ATP10B: variants seen among roughly 807,000 people sequenced by gnomAD.
ATP10B encodes the protein ATPase phospholipid transporting 10B (putative).
A neutral mutation model predicts 141.2 loss-of-function variants in ATP10B; 122 were observed. That is an observed-to-expected ratio of 0.86 (90% CI 0.75 to 1.00). ATP10B has a LOEUF of 1.00. Among genes scored for constraint, ATP10B ranks in the 50% least tolerant of loss-of-function variants. ATP10B has a pLI of 0.00. For synonymous variants in ATP10B, 685 were observed against 692.0 expected (o/e 0.99, Z 0.16); for missense variants, 1,876 against 1,825.3 (o/e 1.03, Z -0.51).
At chr5:160,736,257 A>C (rs1180804068) in intron 2 of ATP10B, among the ~76,000 whole-genome samples, 4 of 152,218 alleles carry the variant, frequency 2.6e-5, no homozygotes, top group Non-Finnish European at 4.4e-5. Context: ...AGATCCAAAT[A>C]AAATAATAAA....
Position 160,617,946 on chromosome 5 carries a change from A to G in ATP10B, c.2444T>C (p.Leu815Pro). 6.2e-7 allele frequency: 1 copy of G among 1,614,166 alleles called. No individual in the cohort carries two copies. Among genetic ancestry groups the G allele is most frequent in the Non-Finnish European group, 8.5e-7 (1 of 1,179,996 alleles). The change falls in exon 16 of 26, where the codon CTG becomes CCG. Residue 815 changes from leucine (L) to proline (P), a missense_variant. Transcript: ENST00000327245. ...TTGGGTCCGGGCTCGGATTTTTCTC[A>G]GCTTCTTTTCCATATTAATGTCAGG... ...CVPDINMEKK[L>P]RKIRARTQKH... is the part of the protein sequence containing the mutation.
At chr5:160,598,667 C>A in intron 22 of ATP10B, 103 bp downstream of exon 22, 1 of 1,022,134 alleles carries the variant, frequency 9.8e-7, no homozygotes, top group South Asian at 1.5e-5. Context: ...AGAATGCAGG[C>A]TTCTGACCCC....
At chr5:160,825,363 A>G (rs1195301082) in intron 1 of ATP10B, among the ~76,000 whole-genome samples, 2 of 152,160 alleles carry the variant, frequency 1.3e-5, no homozygotes, top group African/African-American at 4.8e-5. Context: ...TACTGTTCTC[A>G]TGGTAATGAG....
intron 24 of ATP10B, among the ~76,000 whole-genome samples, chr5:160,584,056 T>G (rs1755723658): frequency 6.6e-6 from 1 of 152,056 alleles, no homozygotes; most frequent in Non-Finnish European, 1.5e-5. Flanking sequence ...CTCTTTGGCA[T>G]TCCAGGCACC....
At chr5:160,826,105 A>G (rs994019303) in intron 1 of ATP10B, among the ~76,000 whole-genome samples, 9 of 152,264 alleles carry the variant, frequency 5.9e-5, no homozygotes, top group African/African-American at 1.7e-4. Context: ...TGTGAGTAGC[A>G]TGGCAATGAA....
the ATP10B span, among the ~76,000 whole-genome samples, chr5:160,929,075 T>A: frequency 6.6e-6 from 1 of 152,140 alleles, no homozygotes; most frequent in Non-Finnish European, 1.5e-5. Context: ...TGAAAACAGC[T>A]TGTAGCCCCA....
At chr5:160,874,739 A>T in the ATP10B span, among the ~76,000 whole-genome samples, 1 of 152,120 alleles carries the variant, frequency 6.6e-6, no homozygotes, top group African/African-American at 2.4e-5. Context: ...TGAAGAATGC[A>T]GAAGCCTCAG....
At chr5:160,726,659 G>C (rs73314459) in intron 2 of ATP10B, among the ~76,000 whole-genome samples, 2,139 of 145,936 alleles carry the variant, frequency 0.015, 62 homozygotes, top group African/African-American at 0.054. Context: ...GGGGAAGAAG[G>C]GGAGGAGGAA....
intron 5 of ATP10B, chr5:160,687,027 AG>A: frequency 4.4e-6 from 4 of 902,580 alleles, no homozygotes; most frequent in South Asian, 5.1e-5. Context: ...GTCTGTCTGC[AG>A]GAACATTCTG....
chr5:160,698,474 G>A (rs1043633566), intron 3 of ATP10B, among the ~76,000 whole-genome samples: 4 of 151,970 alleles, frequency 2.6e-5, no homozygotes, highest in East Asian at 1.9e-4. Flanking sequence ...ATATTTTCTC[G>A]ATTAATTAAT....
the ATP10B span, among the ~76,000 whole-genome samples, chr5:160,888,725 C>T: frequency 5.9e-5 from 9 of 152,116 alleles, no homozygotes; most frequent in African/African-American, 1.2e-4. Context: ...TTTTCCATTC[C>T]GGTGGTTTAA....
chr5:160,685,331 G>T (rs181454903), intron 6 of ATP10B: 12 of 576,156 alleles, frequency 2.1e-5, no homozygotes, highest in South Asian at 4.6e-5. Context: ...AAAATGAAAA[G>T]CCAGGCTGCA....
At chr5:160,672,257 G>A (rs544529666) in intron 6 of ATP10B, among the ~76,000 whole-genome samples, 7 of 152,084 alleles carry the variant, frequency 4.6e-5, no homozygotes, top group African/African-American at 9.7e-5. Flanking sequence ...GATTACAGGC[G>A]TGAGCTACTG....
chr5:160,703,821 A>G (rs1764816905), intron 3 of ATP10B, among the ~76,000 whole-genome samples: 1 of 152,068 alleles, frequency 6.6e-6, no homozygotes, highest in African/African-American at 2.4e-5. Flanking sequence ...AGCCTTATGA[A>G]ATGTATTTCT....
rs779983263 is a variant in ATP10B, at chr5:160,686,237, C to A, written c.312G>T (p.Leu104Phe). 1 of 1,606,788 alleles carries A rather than the reference C, an allele frequency of 6.2e-7. No homozygotes were observed. Among genetic ancestry groups the A allele is most frequent in the South Asian group, 1.1e-5 (1 of 90,252 alleles). The change falls in exon 6 of 26, where the codon TTG becomes TTT. Residue 104 changes from leucine to phenylalanine, a missense_variant. Coordinates refer to ENST00000327245, the MANE Select transcript of ATP10B (RefSeq NM_025153.3). ...ANLYFLFLVI[L>F]NWMPSMEVFH... ...AGACTTCCATGGAGGGCATCCAGTT[C>A]AAAATCACCAGGAACAGGAAATAGA...
At chr5:160,644,685 G>A (rs1215471550) in intron 8 of ATP10B, among the ~76,000 whole-genome samples, 1 of 152,144 alleles carries the variant, frequency 6.6e-6, no homozygotes, top group African/African-American at 2.4e-5. Context: ...AGATGCCATG[G>A]CAACGTCAGG....
intron 16 of ATP10B, among the ~76,000 whole-genome samples, chr5:160,616,825 T>G (rs1393405794): frequency 6.6e-6 from 1 of 152,208 alleles, no homozygotes; most frequent in Admixed American, 6.5e-5. Context: ...CACAAATAAC[T>G]TTAATAGAAA....
At chr5:160,679,795 C>T (rs759155610) in intron 6 of ATP10B, among the ~76,000 whole-genome samples, 1 of 152,214 alleles carries the variant, frequency 6.6e-6, no homozygotes, top group African/African-American at 2.4e-5. Flanking sequence ...AATAAGGAAC[C>T]ACCCTGGATT....
At position 160,602,579 on chromosome 5, in the gene ATP10B, C is replaced by T. The variant is rs776601304; in HGVS notation, c.3361G>A (p.Val1121Met). ...AGAGGACGCCATAGGCTACTTACCA[C>T]GTTCTTGTAGAGGTAGTACACCACC... ...RMVVYYLYKN[V>M]CYVNLLFWYQ... Residue 1121 changes from valine (V) to methionine (M), a missense_variant and splice_region_variant, in exon 21 of 26, where the codon GTG becomes ATG. Val to Met is a conservative substitution (Grantham distance 21). Transcript: ENST00000327245. 1.5e-5 allele frequency: 24 copies of T among 1,613,708 alleles called. No homozygotes were observed. Among genetic ancestry groups the T allele is most frequent in the East Asian group, 2.2e-5 (1 of 44,836 alleles).
Sources: allele counts gnomAD v4.1 joint callset (sites outside exome capture counted in the v4.1 genomes callset), GRCh38; gene constraint gnomAD v4.1.1; transcripts MANE v1.5; gene names NCBI Gene and HGNC (gene_info 2026-07-23, HGNC 2026-07-21).